CEP164: variants seen among roughly 807,000 people sequenced by gnomAD.
CEP164 encodes the protein centrosomal protein of 164 kDa.
In CEP164, 162 loss-of-function variants were observed where a neutral mutation model predicts 182.7. The ratio of observed to expected loss-of-function variants is 0.89; its 90% CI spans 0.78 to 1.01. CEP164 has a LOEUF of 1.01. Ranked by LOEUF, CEP164 falls within the 50% of genes least tolerant of loss-of-function variation. The pLI, the probability that CEP164 is intolerant of heterozygous loss-of-function variation, is 0.00. For synonymous variants in CEP164, 661 were observed against 690.0 expected (o/e 0.96, Z 0.66); for missense variants, 1,735 against 1,790.4 (o/e 0.97, Z 0.56).
intron 27 of CEP164, among the ~76,000 whole-genome samples, chr11:117,403,631 C>T (rs2046377778): frequency 6.6e-6 from 1 of 152,068 alleles, no homozygotes; most frequent in Non-Finnish European, 1.5e-5. Context: ...GATAATGTGT[C>T]TTGGGGTTGC....
chr11:117,363,535 G>A (rs781435180), intron 8 of CEP164, 29 bp downstream of exon 8: 14 of 1,512,136 alleles, frequency 9.3e-6, no homozygotes, highest in Non-Finnish European at 1.2e-5. Flanking sequence ...ACAGGCACAT[G>A]TGTCAGCCTG....
chr11:117,382,600 A>G lies in CEP164; in HGVS notation c.1578-196A>G, dbSNP rs1020963881. The G allele has an allele frequency of 2.1e-5, 13 of 605,614 alleles. No homozygotes were observed. The Admixed American group carries it at 3.8e-4, about 18-fold the overall frequency. The allele number at this position is 605,614 out of a possible 1,614,324, so 37.5% of individuals were successfully genotyped here. A position where few individuals can be genotyped will look rare whatever the true frequency, so the allele number is the denominator to read the frequency against. ...AACCATCTTGCTTCCATTGTGAGGC[A>G]GGAGTCTCTAGTCTTTGATGCAAAT... On this transcript the variant is annotated intron_variant, in intron 13 of 32. Transcript: ENST00000278935.
At chr11:117,370,863 A>T (rs2042130011) in intron 8 of CEP164, among the ~76,000 whole-genome samples, 1 of 152,162 alleles carries the variant, frequency 6.6e-6, no homozygotes, top group South Asian at 2.1e-4. Context: ...GTGAGCTGAG[A>T]TCACACCACT....
intron 11 of CEP164, among the ~76,000 whole-genome samples, chr11:117,380,369 T>C (rs1420866404): frequency 6.6e-6 from 1 of 152,146 alleles, no homozygotes; most frequent in Non-Finnish European, 1.5e-5. Flanking sequence ...GTGTAGTGGC[T>C]GTGGTCTTCT....
At chr11:117,399,060 C>A (rs938606455) in intron 27 of CEP164, among the ~76,000 whole-genome samples, 1 of 152,006 alleles carries the variant, frequency 6.6e-6, no homozygotes, top group African/African-American at 2.4e-5. Context: ...TAGGTATATA[C>A]GTGTCATGGT....
At chr11:117,353,050 C>G (rs1037328692) in intron 5 of CEP164, among the ~76,000 whole-genome samples, 2 of 152,148 alleles carry the variant, frequency 1.3e-5, no homozygotes, top group African/African-American at 4.8e-5. Context: ...AAGTGAGGCC[C>G]AGGCTCTCCC....
At position 117,409,205 on chromosome 11, in the gene CEP164, A is replaced by G; in HGVS notation, c.3748+177A>G. On this transcript the variant is annotated intron_variant, in intron 29 of 32. Coordinates refer to ENST00000278935, the MANE Select transcript of CEP164 (RefSeq NM_014956.5). This position sits in a 1 kb window ranked among gnomAD's most constrained non-coding sequence, Gnocchi z 4.4. Reference sequence around the variant, plus strand: ...AATCACACCATCTAGGTTTGCCAGCACGTGGGGCTGAAAGGTCAGGGAAGC... The same window carrying G: ...AATCACACCATCTAGGTTTGCCAGCGCGTGGGGCTGAAAGGTCAGGGAAGC... 1 of 829,436 alleles carries G rather than the reference A, an allele frequency of 1.2e-6. No homozygotes were observed. The highest frequency in any genetic ancestry group is 1.9e-6 in the Non-Finnish European group (1 of 540,036). The allele number at this position is 829,436 out of a possible 1,614,324, so 51.4% of individuals were successfully genotyped here.
chr11:117,401,457 C>G (rs763756872), intron 27 of CEP164, among the ~76,000 whole-genome samples: 3 of 152,180 alleles, frequency 2.0e-5, no homozygotes, highest in Non-Finnish European at 4.4e-5. Flanking sequence ...TGTTGTGTCT[C>G]TGCCAGGTTT....
intron 2 of CEP164, 135 bp from the exon 3 acceptor site, chr11:117,338,431 C>A (rs747150518): frequency 3.1e-6 from 2 of 640,994 alleles, no homozygotes; most frequent in Non-Finnish European, 5.6e-6. Flanking sequence ...CTATACCTGG[C>A]GCCTGGGAAG....
chr11:117,341,451 GT>G (rs545151196), intron 3 of CEP164, among the ~76,000 whole-genome samples: 6 of 147,164 alleles, frequency 4.1e-5, no homozygotes, highest in South Asian at 2.2e-4. Context: ...TTGTTTGTTT[GT>G]TTTTTTTTTG....
chr11:117,331,652 C>T (rs984446317), intron 1 of CEP164, among the ~76,000 whole-genome samples: 3 of 152,012 alleles, frequency 2.0e-5, no homozygotes, highest in South Asian at 2.1e-4. Context: ...ACCACTATGC[C>T]GCCTGTCACT....
rs1235875223 is a variant in CEP164 at position 117,409,768 on chromosome 11, A to G, written c.3899A>G (p.Gln1300Arg). 6.2e-7 allele frequency: 1 copy of G among 1,613,788 alleles called. No homozygotes were observed. The highest frequency in any genetic ancestry group is 2.2e-5 in the East Asian group (1 of 44,854). ...PPPLLASMPA[Q>R]LPPRDPKSTP... is the part of the protein sequence containing the mutation. ...CCGCTCCTCGCCTCCATGCCAGCCC[A>G]GCTCCCTCCCCGGGACCCTAAGAGC... Residue 1300 changes from glutamine to arginine, a missense_variant, in exon 30 of 33, where the codon CAG (glutamine) becomes CGG (arginine). By Grantham distance (43) the Gln-to-Arg change is conservative. Coordinates refer to ENST00000278935, the MANE Select transcript of CEP164 (RefSeq NM_014956.5). This position sits in a 1 kb window ranked among gnomAD's most constrained non-coding sequence, Gnocchi z 4.4.
In CEP164 at chr11:117,412,183, G is replaced by C. The variant is rs1018306579; in HGVS notation, c.*15G>C. The C allele has an allele frequency of 1.2e-6, 2 of 1,610,262 alleles. No homozygotes were observed. The highest frequency in any genetic ancestry group is 1.7e-6 in the Non-Finnish European group (2 of 1,177,374). On this transcript the variant is annotated 3_prime_UTR_variant, in exon 33 of 33. Coordinates refer to ENST00000278935, the MANE Select transcript of CEP164 (RefSeq NM_014956.5). ...ATCGCTTCTGAGGCCCTGAGCAGGG[G>C]CTTGGGGCAGCCCAGCCTCTCCTCC...
At chr11:117,377,135 C>T (rs370363799) in intron 11 of CEP164, among the ~76,000 whole-genome samples, 1 of 152,278 alleles carries the variant, frequency 6.6e-6, no homozygotes, top group East Asian at 1.9e-4. Context: ...CCTAAGCCAG[C>T]GGTCCCCAAC....
intron 30 of CEP164, 118 bp downstream of exon 30, chr11:117,410,083 C>CCACA: frequency 1.1e-6 from 1 of 931,430 alleles, no homozygotes; most frequent in Non-Finnish European, 1.7e-6. Context: ...CATCCCTTTG[C>CCACA]CACACCTCTC....
chr11:117,373,704 C>T lies in CEP164; in HGVS notation c.1153-47C>T, dbSNP rs759525289. The T allele has an allele frequency of 1.2e-5, 19 of 1,547,208 alleles. No individual in the cohort carries two copies. In the South Asian group the frequency reaches 1.9e-4, roughly 15 times the overall value. On this transcript the variant is annotated intron_variant, in intron 9 of 32. Coordinates refer to ENST00000278935, the MANE Select transcript of CEP164 (RefSeq NM_014956.5). The stretch of plus-strand genomic sequence containing the variant: ...AATTCCCTGGGTAGGGACCATGACT[C>T]TTTGTGCTCTGCTCTGAGGGATTTC...
chr11:117,352,732 A>G (rs2039811082), intron 5 of CEP164, among the ~76,000 whole-genome samples: 1 of 152,104 alleles, frequency 6.6e-6, no homozygotes, highest in Admixed American at 6.6e-5. Flanking sequence ...GATTACAGGC[A>G]TCCGCCACCA....
chr11:117,343,435 C>T (rs2038410810), intron 3 of CEP164, among the ~76,000 whole-genome samples: 1 of 152,164 alleles, frequency 6.6e-6, no homozygotes, highest in South Asian at 2.1e-4. Context: ...GGAGCTTAGT[C>T]ACTTGTAGTT....
intron 27 of CEP164, among the ~76,000 whole-genome samples, chr11:117,402,572 G>A (rs1372885318): frequency 6.6e-6 from 1 of 152,172 alleles, no homozygotes; most frequent in Non-Finnish European, 1.5e-5. Context: ...TGGTCTGAGA[G>A]ACTGTTTGTT....
Sources: allele counts gnomAD v4.1 joint callset (sites outside exome capture counted in the v4.1 genomes callset), GRCh38; gene constraint gnomAD v4.1.1; non-coding constraint Gnocchi (gnomAD v3.1); transcripts MANE v1.5; gene names NCBI Gene and HGNC (gene_info 2026-07-23, HGNC 2026-07-21).